The following VWA3B variants were observed in gnomAD, a reference collection of about 807,000 sequenced individuals.
VWA3B encodes the protein von Willebrand factor A domain-containing protein 3B.
In VWA3B, 138 loss-of-function variants were observed where a neutral mutation model predicts 158.3. The ratio of observed to expected loss-of-function variants is 0.87; its 90% confidence interval spans 0.76 to 1.00. The LOEUF is 1.00. Among genes scored for constraint, VWA3B ranks in the 50% least tolerant of loss-of-function variants. VWA3B has a pLI of 0.00. For synonymous variants in VWA3B, 596 were observed against 587.3 expected (o/e 1.01, Z -0.21); for missense variants, 1,555 against 1,565.1 (o/e 0.99, Z 0.11).
chr2:98,091,452 A>C (rs1229568496), intron 1 of VWA3B, among the ~76,000 whole-genome samples: 1 of 152,186 alleles, frequency 6.6e-6, no homozygotes, highest in East Asian at 1.9e-4. Context: ...CAGAACACAG[A>C]TCCTGGAGCT....
downstream of VWA3B, among the ~76,000 whole-genome samples, chr2:98,317,780 GCACATGTCCT>G (rs1691119544): frequency 6.6e-6 from 1 of 152,140 alleles, no homozygotes; most frequent in South Asian, 2.1e-4. Context: ...ACCACCTTAG[GCACATGTCCT>G]CAGGATCTCC....
chr2:98,156,063 A>G (rs555576057), intron 7 of VWA3B, among the ~76,000 whole-genome samples: 1 of 152,318 alleles, frequency 6.6e-6, no homozygotes, highest in Admixed American at 6.5e-5. Flanking sequence ...AGGAATCTGC[A>G]CTGACAAGCA....
intron 15 of VWA3B, among the ~76,000 whole-genome samples, chr2:98,229,686 G>A (rs1249326427): frequency 1.3e-5 from 2 of 152,118 alleles, no homozygotes; most frequent in Admixed American, 6.5e-5. Flanking sequence ...TCACTCCTAC[G>A]AATCCTCCCA....
At chr2:98,212,638 G>C (rs1683626947) in intron 13 of VWA3B, among the ~76,000 whole-genome samples, 1 of 152,178 alleles carries the variant, frequency 6.6e-6, no homozygotes. Context: ...GTGAATTAGT[G>C]TCAACTCGCG....
chr2:98,156,814 C>T (rs1194836330), intron 7 of VWA3B, among the ~76,000 whole-genome samples: 2 of 151,876 alleles, frequency 1.3e-5, no homozygotes, highest in Non-Finnish European at 2.9e-5. Context: ...TTCAGCTAAA[C>T]TTTGTTGATG....
chr2:98,116,825 C>T (rs1295126702), intron 3 of VWA3B, among the ~76,000 whole-genome samples: 2 of 152,210 alleles, frequency 1.3e-5, no homozygotes, highest in East Asian at 3.8e-4. Flanking sequence ...ATGCCTGCCC[C>T]TTTTTCTTTA....
At chr2:98,265,993 T>A (rs1367965998) in intron 21 of VWA3B, among the ~76,000 whole-genome samples, 2 of 143,698 alleles carry the variant, frequency 1.4e-5, no homozygotes, top group East Asian at 4.0e-4. Context: ...ATTTTGTAGG[T>A]TGCCTGTTCA....
chr2:98,290,796 G>A (rs1204827556), intron 23 of VWA3B, 174 bp downstream of exon 23: 4 of 524,662 alleles, frequency 7.6e-6, no homozygotes, highest in African/African-American at 6.0e-5. Flanking sequence ...TGAAATGAGC[G>A]TATTTGGGCC....
intron 21 of VWA3B, among the ~76,000 whole-genome samples, chr2:98,263,090 A>T (rs187048127): frequency 1.4e-3 from 217 of 152,000 alleles, no homozygotes; most frequent in Non-Finnish European, 2.6e-3. Context: ...TTGTTAGTGT[A>T]TAGAAATGCA....
At chr2:98,298,422 CTATT>C (rs1558773720) in intron 24 of VWA3B, among the ~76,000 whole-genome samples, 153 of 151,520 alleles carry the variant, frequency 1.0e-3, no homozygotes, top group Admixed American at 2.2e-3. Flanking sequence ...CTATTCTATT[CTATT>C]CTATTCTATT....
At chr2:98,309,075 GAGA>G (rs1169717326) in intron 26 of VWA3B, among the ~76,000 whole-genome samples, 2 of 150,556 alleles carry the variant, frequency 1.3e-5, no homozygotes, top group Admixed American at 6.6e-5. Flanking sequence ...GGGAGGCTGA[GAGA>G]AGAATCACTT....
Position 98,268,632 on chromosome 2 carries a change from CATT to C in VWA3B, c.2844-2049_2844-2047del, listed in dbSNP as rs754649524. On this transcript the variant is annotated intron_variant, in intron 21 of 27. Coordinates refer to ENST00000477737, the MANE Select transcript of VWA3B (RefSeq NM_144992.5). ...CTTTTAGCTCATTGAGCATCATTAA[CATT>C]GTTGTTTTGAATTATTTTTCAGGTA... Among the ~76,000 whole-genome samples the C allele has an allele frequency of 2.7e-5, 4 of 148,588 alleles. 1 individual carries two copies. Among genetic ancestry groups the C allele is most frequent in the African/African-American group, 9.8e-5 (4 of 40,662 alleles).
At chr2:98,329,391 A>C in the VWA3B span, among the ~76,000 whole-genome samples, 2 of 152,240 alleles carry the variant, frequency 1.3e-5, no homozygotes, top group African/African-American at 4.8e-5. Context: ...CAAGGAAACA[A>C]ATAAGCAAAC....
the VWA3B span, among the ~76,000 whole-genome samples, chr2:98,318,442 C>G: frequency 6.6e-6 from 1 of 152,060 alleles, no homozygotes; most frequent in Non-Finnish European, 1.5e-5. Flanking sequence ...AAACTGGAGG[C>G]CATTGTCCTC....
intron 6 of VWA3B, among the ~76,000 whole-genome samples, chr2:98,128,860 C>A (rs919486503): frequency 3.3e-5 from 5 of 152,240 alleles, no homozygotes; most frequent in African/African-American, 1.2e-4. Flanking sequence ...AGCCTGCTTA[C>A]CCTTCCTCTC....
chr2:98,256,196 T>G, intron 21 of VWA3B, 22 bp downstream of exon 21: 1 of 1,506,198 alleles, frequency 6.6e-7, no homozygotes. Context: ...CATTCCCTCC[T>G]CACTTTTTTT....
chr2:98,161,926 C>G (rs139238187), intron 7 of VWA3B, among the ~76,000 whole-genome samples: 1 of 152,150 alleles, frequency 6.6e-6, no homozygotes, highest in Non-Finnish European at 1.5e-5. Flanking sequence ...AGCCTGGTCT[C>G]GAACTCCTGA....
chr2:98,128,334 C>T lies in VWA3B; in HGVS notation c.798C>T (p.Tyr266=). Residue 266 remains tyrosine (Y), a synonymous_variant, in exon 6 of 28, where the codon TAC becomes TAT. Coordinates refer to ENST00000477737, the MANE Select transcript of VWA3B (RefSeq NM_144992.5). ...QRALEIPCPV[Y]TVSFNARGEG... is the part of the protein sequence containing the mutation. Reference sequence around the variant, plus strand: ...CCTTGGAGATCCCGTGTCCAGTCTACACAGTGTCCTTCAACGCCAGAGGAG... The same window carrying T: ...CCTTGGAGATCCCGTGTCCAGTCTATACAGTGTCCTTCAACGCCAGAGGAG... The T allele has an allele frequency of 1.2e-6, 2 of 1,614,182 alleles. No homozygotes were observed. Among genetic ancestry groups the T allele is most frequent in the Non-Finnish European group, 1.7e-6 (2 of 1,180,028 alleles).
At chr2:98,163,301 A>T (rs888011066) in intron 8 of VWA3B, among the ~76,000 whole-genome samples, 1 of 152,138 alleles carries the variant, frequency 6.6e-6, no homozygotes, top group African/African-American at 2.4e-5. Context: ...GCACTTTGGG[A>T]GGCCGAGGCG....
Sources: gnomAD v4.1 joint callset for allele counts (sites outside exome capture counted in the v4.1 genomes callset) on GRCh38, gnomAD v4.1.1 for gene constraint, MANE v1.5 for transcripts, NCBI Gene and HGNC (gene_info 2026-07-23, HGNC 2026-07-21) for gene names.